PRRG2: variants seen among roughly 807,000 people sequenced by gnomAD.
The protein encoded by PRRG2 is transmembrane gamma-carboxyglutamic acid protein 2.
Under a neutral mutation model 27.1 loss-of-function variants are expected in PRRG2, and 23 were observed. The observed-to-expected ratio is 0.85, with a 90% CI of 0.61 to 1.20. The LOEUF (loss-of-function observed/expected upper bound fraction) is 1.20, where lower values mean the gene tolerates loss of function less well. Ranked by LOEUF, PRRG2 falls within the 50% of genes most tolerant of loss-of-function variation. PRRG2 has a pLI of 0.00. For missense variants in PRRG2, 276 were observed against 254.8 expected, an observed-to-expected ratio of 1.08 and a Z score of -0.57; for synonymous variants, 104 against 103.4, an observed-to-expected ratio of 1.01 and a Z score of -0.03.
Position 49,589,897 on chromosome 19 carries a change from C to G in PRRG2, c.438-3C>G. On this transcript the variant is annotated splice_region_variant and splice_polypyrimidine_tract_variant and intron_variant, in intron 5 of 6. Coordinates refer to ENST00000246794, the MANE Select transcript of PRRG2 (RefSeq NM_000951.3). ...CTGCTAACTGTACCTTTGCTGTCCCCAGGGCCGGGCTCATTAGCCCTCTGA... is the reference window on the plus strand; with the variant it reads ...CTGCTAACTGTACCTTTGCTGTCCCGAGGGCCGGGCTCATTAGCCCTCTGA... 1.2e-6 allele frequency: 2 copies of G among 1,613,358 alleles called. No homozygotes were observed. Among genetic ancestry groups the G allele is most frequent in the Non-Finnish European group, 1.7e-6 (2 of 1,179,940 alleles).
At chr19:49,582,156 G>A (rs1472693254) in intron 1 of PRRG2, among the ~76,000 whole-genome samples, 5 of 145,504 alleles carry the variant, frequency 3.4e-5, no homozygotes, top group African/African-American at 1.3e-4. Context: ...CAGGAGAATC[G>A]CTTGAACCCA....
intron 4 of PRRG2, among the ~76,000 whole-genome samples, chr19:49,585,813 C>A (rs1313899426): frequency 1.3e-5 from 2 of 151,682 alleles, no homozygotes. Context: ...GGCGCGGTGG[C>A]TCACACCTGT....
In PRRG2 at chr19:49,590,553, C is replaced by T. The variant is rs962062437; in HGVS notation, c.*164C>T. ...TGCCCTGGCACACGCGTTTCCGCCG[C>T]GTATGGATATACACATGTTTTCGGC... On this transcript the variant is annotated 3_prime_UTR_variant, in exon 7 of 7. Coordinates refer to ENST00000246794, the MANE Select transcript of PRRG2 (RefSeq NM_000951.3). 6.3e-6 allele frequency: 6 copies of T among 945,770 alleles called. No homozygotes were observed. The African/African-American group carries it at 8.2e-5, about 13-fold the overall frequency. 58.6% of individuals were successfully genotyped at this position (945,770 alleles called of 1,614,324 possible).
rs1486175628 is a variant in PRRG2, at chr19:49,590,439, C to A, written c.*50C>A. ...TCCGAACCGTGCCCCTGATTCATAC[C>A]GGATTCCGGAAGCCGCTAGGCCTCA... is the stretch of plus-strand genomic sequence containing the variant. On this transcript the variant is annotated 3_prime_UTR_variant, in exon 7 of 7. Coordinates refer to ENST00000246794, the MANE Select transcript of PRRG2 (RefSeq NM_000951.3). The A allele has an allele frequency of 1.2e-6, 2 of 1,612,412 alleles. No homozygotes were observed. The highest frequency in any genetic ancestry group is 1.7e-6 in the Non-Finnish European group (2 of 1,179,054).
At chr19:49,588,912 C>T (rs1001490907) in intron 5 of PRRG2, among the ~76,000 whole-genome samples, 2 of 152,006 alleles carry the variant, frequency 1.3e-5, no homozygotes, top group East Asian at 1.9e-4. Context: ...CGTGGAATTA[C>T]GACTCTGGAT....
In PRRG2 at chr19:49,590,554, G is replaced by A. The variant is rs2080713234; in HGVS notation, c.*165G>A. The A allele has an allele frequency of 2.1e-6, 2 of 937,678 alleles. No homozygotes were observed. Among genetic ancestry groups the A allele is most frequent in the Admixed American group, 2.3e-5 (1 of 43,488 alleles). 58.1% of individuals were successfully genotyped at this position (937,678 alleles called of 1,614,324 possible). A position where few individuals can be genotyped will look rare whatever the true frequency, so the allele number is the denominator to read the frequency against. Reference sequence around the variant, plus strand: ...GCCCTGGCACACGCGTTTCCGCCGCGTATGGATATACACATGTTTTCGGCA... The same window carrying A: ...GCCCTGGCACACGCGTTTCCGCCGCATATGGATATACACATGTTTTCGGCA... On this transcript the variant is annotated 3_prime_UTR_variant, in exon 7 of 7. Coordinates refer to ENST00000246794, the MANE Select transcript of PRRG2 (RefSeq NM_000951.3).
Position 49,589,948 on chromosome 19 carries a change from G to A in PRRG2, c.486G>A (p.Pro162=), listed in dbSNP as rs757348985. The A allele has an allele frequency of 2.5e-6, 4 of 1,607,780 alleles. No individual in the cohort carries two copies. The highest frequency in any genetic ancestry group is 4.5e-5 in the East Asian group (2 of 44,876). ...GTCCTTTGAACCCTCTGGGCCCACC[G>A]ACGCCCCTGCCTCCACCCCCACCCC... ...PLSPLNPLGP[P]TPLPPPPPPP... Residue 162 remains proline (P), a synonymous_variant, in exon 6 of 7, where the codon CCG becomes CCA. Transcript: ENST00000246794.
chr19:49,590,698 GC>G lies in PRRG2; in HGVS notation c.*313del, dbSNP rs2080714867. On this transcript the variant is annotated 3_prime_UTR_variant, in exon 7 of 7. Transcript: ENST00000246794. ...GGGGAAATTCGGACCCAGGAGCCCA[GC>G]CCCGGCTGTGCCATCTTGTGTATGG... 5 of 478,172 alleles carry G rather than the reference GC, an allele frequency of 1.0e-5. No individual in the cohort carries two copies. In the South Asian group the frequency reaches 1.2e-4, roughly 12 times the overall value. The allele number at this position is 478,172 out of a possible 1,614,324, so 29.6% of individuals were successfully genotyped here. A position where few individuals can be genotyped will look rare whatever the true frequency, so the allele number is the denominator to read the frequency against.
At position 49,583,386 on chromosome 19, in the gene PRRG2, C is replaced by T. The variant is rs753497833; in HGVS notation, c.85+82C>T. The T allele has an allele frequency of 2.0e-6, 3 of 1,533,302 alleles. No homozygotes were observed. The Admixed American group carries it at 5.1e-5, about 26-fold the overall frequency. The allele number at this position is 1,533,302 out of a possible 1,614,324, so 95.0% of individuals were successfully genotyped here. A position where few individuals can be genotyped will look rare whatever the true frequency, so the allele number is the denominator to read the frequency against. ...AGGAATGTTTCTAGTCCTTCCTCTT[C>T]CAGGAGTCCAGGACCCAGCCCCTTC... On this transcript the variant is annotated intron_variant, in intron 2 of 6. Coordinates refer to ENST00000246794, the MANE Select transcript of PRRG2 (RefSeq NM_000951.3).
chr19:49,590,418 AACCGT>A lies in PRRG2; in HGVS notation c.*30_*34del. ...GCTGCTTTCGAGACCCGGCTCTCCG[AACCGT>A]GCCCCTGATTCATACCGGATTCCGG... On this transcript the variant is annotated 3_prime_UTR_variant, in exon 7 of 7. Transcript: ENST00000246794. 1 of 1,614,054 alleles carries A rather than the reference AACCGT, an allele frequency of 6.2e-7. No individual in the cohort carries two copies. The highest frequency in any genetic ancestry group is 2.2e-5 in the East Asian group (1 of 44,884).
At chr19:49,585,653 C>G (rs547531123) in intron 4 of PRRG2, among the ~76,000 whole-genome samples, 13 of 151,942 alleles carry the variant, frequency 8.6e-5, no homozygotes, top group Non-Finnish European at 1.6e-4. Flanking sequence ...CAAAAATTAG[C>G]CAGGTGTGGT....
At position 49,590,614 on chromosome 19, in the gene PRRG2, C is replaced by T. The variant is rs905268385; in HGVS notation, c.*225C>T. On this transcript the variant is annotated 3_prime_UTR_variant, in exon 7 of 7. Transcript: ENST00000246794. ...CGTGTCCTGGCCCCTCACGGGCCCC[C>T]ACACTCTCCTGACCGTGAGGGCACT... is the stretch of plus-strand genomic sequence containing the variant. The T allele has an allele frequency of 3.1e-5, 19 of 621,150 alleles. No homozygotes were observed. Among genetic ancestry groups the T allele is most frequent in the Non-Finnish European group, 4.7e-5 (17 of 358,954 alleles). The allele number at this position is 621,150 out of a possible 1,614,324, so 38.5% of individuals were successfully genotyped here.
rs555886393 is a variant in PRRG2, at chr19:49,590,317, G to A, written c.591-54G>A. ...GCGGTCGGAGTGGTCCTGGTTGAAG[G>A]GGGGAGAAAAACAGCCAGATCTTTG... On this transcript the variant is annotated intron_variant, in intron 6 of 6. Coordinates refer to ENST00000246794, the MANE Select transcript of PRRG2 (RefSeq NM_000951.3). 12 of 1,613,392 alleles carry A rather than the reference G, an allele frequency of 7.4e-6. No homozygotes were observed. The Admixed American group carries it at 1.0e-4, about 13-fold the overall frequency.
In PRRG2 at chr19:49,588,641, G is replaced by A. The variant is rs572871893; in HGVS notation, c.437+9G>A. On this transcript the variant is annotated intron_variant, in intron 5 of 6. Transcript: ENST00000246794. ...CAGCCCTGTCCCCAAGAGTAAGGGG[G>A]CTTCAGCGAGGAGGGGGTGGTGGTG... 3 of 1,524,168 alleles carry A rather than the reference G, an allele frequency of 2.0e-6. No homozygotes were observed. The highest frequency in any genetic ancestry group is 2.4e-5 in the South Asian group (2 of 81,728). 94.4% of individuals were successfully genotyped at this position (1,524,168 alleles called of 1,614,324 possible).
At position 49,583,317 on chromosome 19, in the gene PRRG2, G is replaced by T. The variant is rs771949855; in HGVS notation, c.85+13G>T. On this transcript the variant is annotated intron_variant, in intron 2 of 6. Coordinates refer to ENST00000246794, the MANE Select transcript of PRRG2 (RefSeq NM_000951.3). Reference sequence around the variant, plus strand: ...GAGACAGACCAAGGTGAGTGTTTGGGGGAAGTGGCATCCAGACACTTGGCG... The same window carrying T: ...GAGACAGACCAAGGTGAGTGTTTGGTGGAAGTGGCATCCAGACACTTGGCG... The T allele has an allele frequency of 7.4e-6, 12 of 1,612,712 alleles. No homozygotes were observed. The highest frequency in any genetic ancestry group is 1.0e-5 in the Non-Finnish European group (12 of 1,178,812).
At chr19:49,587,350 C>G (rs10426059) in intron 4 of PRRG2, among the ~76,000 whole-genome samples, 45,090 of 134,444 alleles carry the variant, frequency 0.34, 8,126 homozygotes, top group African/African-American at 0.52. Context: ...TTTTTGAGGG[C>G]GACAGAGTCT....
At chr19:49,581,645 CCT>C (rs1316145622) in intron 1 of PRRG2, among the ~76,000 whole-genome samples, 164 bp downstream of exon 1, 30 of 152,164 alleles carry the variant, frequency 2.0e-4, no homozygotes, top group African/African-American at 7.2e-4. Flanking sequence ...CCTGCCTCTG[CCT>C]CTCTCGTAAT....
Position 49,590,536 on chromosome 19 carries a change from C to A in PRRG2, c.*147C>A. ...TCATCCGGCCCGAGGCCTGCCCTGG[C>A]ACACGCGTTTCCGCCGCGTATGGAT... is the stretch of plus-strand genomic sequence containing the variant. On this transcript the variant is annotated 3_prime_UTR_variant, in exon 7 of 7. Coordinates refer to ENST00000246794, the MANE Select transcript of PRRG2 (RefSeq NM_000951.3). 1 of 1,150,144 alleles carries A rather than the reference C, an allele frequency of 8.7e-7. No homozygotes were observed. The highest frequency in any genetic ancestry group is 1.3e-6 in the Non-Finnish European group (1 of 792,948). 71.2% of individuals were successfully genotyped at this position (1,150,144 alleles called of 1,614,324 possible). A position where few individuals can be genotyped will look rare whatever the true frequency, so the allele number is the denominator to read the frequency against.
intron 4 of PRRG2, among the ~76,000 whole-genome samples, chr19:49,584,915 T>C (rs1200221570): frequency 1.3e-5 from 2 of 152,086 alleles, no homozygotes; most frequent in African/African-American, 4.8e-5. Context: ...GACCAGCCCC[T>C]CCGGCAGCTT....
Sources: gnomAD v4.1 joint callset for allele counts (sites outside exome capture counted in the v4.1 genomes callset) on GRCh38, gnomAD v4.1.1 for gene constraint, MANE v1.5 for transcripts, NCBI Gene and HGNC (gene_info 2026-07-23, HGNC 2026-07-21) for gene names.